The following NPAS3 variants were observed in gnomAD, a reference collection of about 807,000 sequenced individuals.
NPAS3 encodes the protein neuronal PAS domain protein 3.
Under a neutral mutation model 73.1 loss-of-function variants are expected in NPAS3, and 14 were observed. That is an observed-to-expected ratio of 0.19 (90% confidence interval 0.13 to 0.30). The LOEUF (loss-of-function observed/expected upper bound fraction) is 0.30, where lower values mean the gene tolerates loss of function less well. NPAS3 is among the 10% of genes least tolerant of loss of function. The pLI, the probability that NPAS3 is intolerant of heterozygous loss-of-function variation, is 1.00. For missense variants in NPAS3, 1,096 were observed against 1,250.0 expected (o/e 0.88, Z 1.86); for synonymous variants, 620 against 541.5 (o/e 1.14, Z -2.01).
chr14:32,988,153 A>G (rs2139447503), intron 1 of NPAS3, among the ~76,000 whole-genome samples: 1 of 152,314 alleles, frequency 6.6e-6, no homozygotes, highest in African/African-American at 2.4e-5. Context: ...TGTTGCCTAT[A>G]TATTTAAGAA....
chr14:33,637,672 A>G (rs76804401), intron 5 of NPAS3, among the ~76,000 whole-genome samples: 2 of 152,368 alleles, frequency 1.3e-5, no homozygotes, highest in African/African-American at 4.8e-5. Context: ...CTTACAACAA[A>G]TGACTTACCT....
chr14:33,330,389 C>G (rs1013206014), intron 3 of NPAS3, among the ~76,000 whole-genome samples: 7 of 152,164 alleles, frequency 4.6e-5, no homozygotes, highest in African/African-American at 1.7e-4. Context: ...TTTTAGTGCA[C>G]TTCCTGTGGG....
At chr14:32,962,925 T>C (rs1335501012) in intron 1 of NPAS3, among the ~76,000 whole-genome samples, 1 of 150,544 alleles carries the variant, frequency 6.6e-6, no homozygotes, top group Non-Finnish European at 1.5e-5. Flanking sequence ...ATATTGCCCA[T>C]GCTGGCCTTG....
chr14:33,696,448 C>A (rs563810006), intron 6 of NPAS3, among the ~76,000 whole-genome samples: 2 of 152,154 alleles, frequency 1.3e-5, no homozygotes, highest in African/African-American at 4.8e-5. Context: ...ATAATAAACA[C>A]GAGAGTGCTT....
At chr14:33,302,702 T>A (rs1048034112) in intron 3 of NPAS3, among the ~76,000 whole-genome samples, 1 of 152,212 alleles carries the variant, frequency 6.6e-6, no homozygotes, top group Non-Finnish European at 1.5e-5. Context: ...TTACGCTACA[T>A]AACTCCTACT....
At chr14:33,384,937 T>A (rs1697123630) in intron 4 of NPAS3, among the ~76,000 whole-genome samples, 1 of 152,134 alleles carries the variant, frequency 6.6e-6, no homozygotes, top group African/African-American at 2.4e-5. Flanking sequence ...GGGATTGAGA[T>A]GGAGAAGGCT....
intron 6 of NPAS3, chr14:33,680,729 TG>T (rs2059911883): frequency 1.2e-5 from 8 of 684,456 alleles, no homozygotes; most frequent in Non-Finnish European, 1.8e-5. Context: ...TTTGGGTGGG[TG>T]TGAGTTCATA....
chr14:32,998,003 G>T (rs544010280), intron 1 of NPAS3, among the ~76,000 whole-genome samples: 1 of 152,068 alleles, frequency 6.6e-6, no homozygotes, highest in Non-Finnish European at 1.5e-5. Context: ...AATTACCTTC[G>T]TACCCAGAAA....
At chr14:33,040,976 G>A (rs2040330398) in intron 1 of NPAS3, among the ~76,000 whole-genome samples, 4 of 152,108 alleles carry the variant, frequency 2.6e-5, no homozygotes. Flanking sequence ...ACAACACAGA[G>A]TAGTTAAGTG....
chr14:32,938,197 G>C (rs910553727), upstream of NPAS3, among the ~76,000 whole-genome samples: 2 of 152,236 alleles, frequency 1.3e-5, no homozygotes, highest in African/African-American at 4.8e-5. Flanking sequence ...CAAGGTGCTT[G>C]TGCTGCTGCT....
chr14:33,424,815 T>G (rs560675320), intron 4 of NPAS3, among the ~76,000 whole-genome samples: 1 of 151,922 alleles, frequency 6.6e-6, no homozygotes, highest in Admixed American at 6.6e-5. Context: ...AGAAATCATT[T>G]GGACATAGAG....
intron 4 of NPAS3, among the ~76,000 whole-genome samples, chr14:33,388,997 C>T (rs1410749522): frequency 2.0e-5 from 3 of 152,154 alleles, no homozygotes; most frequent in Non-Finnish European, 2.9e-5. Flanking sequence ...ACCTTTGTGG[C>T]GTGCACTACC....
chr14:33,147,558 G>A (rs1236312387), intron 2 of NPAS3, among the ~76,000 whole-genome samples: 2 of 150,074 alleles, frequency 1.3e-5, no homozygotes, highest in Non-Finnish European at 3.0e-5. Flanking sequence ...ACAGGAAGGG[G>A]AACATCACAC....
intron 3 of NPAS3, among the ~76,000 whole-genome samples, chr14:33,360,853 G>A (rs950604824): frequency 6.6e-6 from 1 of 152,042 alleles, no homozygotes; most frequent in Non-Finnish European, 1.5e-5. Flanking sequence ...CCACGCCTCG[G>A]CCCAGGCTGT....
At chr14:33,363,691 G>C (rs2045706135) in intron 3 of NPAS3, among the ~76,000 whole-genome samples, 1 of 152,080 alleles carries the variant, frequency 6.6e-6, no homozygotes, top group Non-Finnish European at 1.5e-5. Flanking sequence ...TATTTATTAA[G>C]TTTTGCAACA....
intron 4 of NPAS3, among the ~76,000 whole-genome samples, chr14:33,528,743 C>T (rs2053914184): frequency 6.6e-6 from 1 of 152,130 alleles, no homozygotes; most frequent in African/African-American, 2.4e-5. Context: ...ACAACTTCCA[C>T]AGACCAGAGC....
At chr14:33,783,359 T>C (rs539088549) in intron 9 of NPAS3, among the ~76,000 whole-genome samples, 65 of 152,282 alleles carry the variant, frequency 4.3e-4, no homozygotes, top group African/African-American at 1.5e-3. Flanking sequence ...AACCTGGTCA[T>C]TGGCTGGACT....
chr14:33,298,204 A>G (rs1242493464), intron 3 of NPAS3, among the ~76,000 whole-genome samples: 1 of 152,118 alleles, frequency 6.6e-6, no homozygotes, highest in African/African-American at 2.4e-5. Context: ...AATGGCTGGA[A>G]CCGAGGAGGT....
chr14:33,520,018 C>T (rs538734992), intron 4 of NPAS3, among the ~76,000 whole-genome samples: 1 of 152,238 alleles, frequency 6.6e-6, no homozygotes, highest in African/African-American at 2.4e-5. Context: ...CCCCACCCAT[C>T]ATCTATCCTC....
Sources: gnomAD v4.1 joint callset for allele counts (sites outside exome capture counted in the v4.1 genomes callset) on GRCh38, gnomAD v4.1.1 for gene constraint, MANE v1.5 for transcripts, NCBI Gene and HGNC (gene_info 2026-07-23, HGNC 2026-07-21) for gene names.